Variants in OR3A1 observed in about 807,000 individuals in gnomAD.
The protein encoded by OR3A1 is olfactory receptor family 3 subfamily A member 1, also known as olfactory receptor 3A1.
For synonymous variants in OR3A1, 145 were observed against 160.0 expected, an observed-to-expected ratio of 0.91 and a Z score of 0.71; for missense variants, 402 against 393.8, an observed-to-expected ratio of 1.02 and a Z score of -0.18.
intron 1 of OR3A1, among the ~76,000 whole-genome samples, chr17:3,295,270 C>G (rs528996181): frequency 4.2e-4 from 63 of 151,462 alleles, no homozygotes; most frequent in Non-Finnish European, 7.5e-4. Flanking sequence ...TATAAGTACA[C>G]AAATCAGTAT....
At chr17:3,297,965 T>C (rs536625397) in intron 1 of OR3A1, among the ~76,000 whole-genome samples, 2 of 151,642 alleles carry the variant, frequency 1.3e-5, no homozygotes, top group African/African-American at 4.8e-5. Flanking sequence ...TGGCGTGGGG[T>C]TTCTTTGTTG....
At position 3,292,380 on chromosome 17, in the gene OR3A1, T is replaced by C. The variant is rs2048883248; in HGVS notation, c.203A>G (p.Asn68Ser). ...LHTPMYFFLG[N>S]LSVLDVGCIS... ...GCACCCAACATCCAGCACTGATAGG[T>C]TCCCCAGGAAGAAGTACATGGGGGT... Residue 68 changes from asparagine (N) to serine (S), a missense_variant, in exon 2 of 2, where the codon AAC (asparagine) becomes AGC (serine). Physicochemically the swap from Asn to Ser is conservative, Grantham distance 46. Coordinates refer to ENST00000323404, the MANE Select transcript of OR3A1 (RefSeq NM_002550.3). The C allele has an allele frequency of 6.2e-7, 1 of 1,613,692 alleles. No homozygotes were observed. The highest frequency in any genetic ancestry group is 1.3e-5 in the African/African-American group (1 of 74,804).
Position 3,292,063 on chromosome 17 carries a change from G to A in OR3A1, c.520C>T (p.Pro174Ser), listed in dbSNP as rs1227206773. 1 of 1,614,218 alleles carries A rather than the reference G, an allele frequency of 6.2e-7. No individual in the cohort carries two copies. Among genetic ancestry groups the A allele is most frequent in the South Asian group, 1.1e-5 (1 of 91,086 alleles). ...CAGTAGAAGTGATTGATCACATTGG[G>A]GCCACAGAAGTTGAGCGTGGACATG... ...VAMSTLNFCG[P>S]NVINHFYCDL... Residue 174 changes from proline to serine, a missense_variant, in exon 2 of 2, where the codon CCC (proline) becomes TCC (serine). Coordinates refer to ENST00000323404, the MANE Select transcript of OR3A1 (RefSeq NM_002550.3).
In OR3A1 at chr17:3,298,282, C is replaced by A. The variant is rs2048936020; in HGVS notation, c.-7+1G>T. On this transcript the variant is annotated splice_donor_variant, in intron 1 of 1. Transcript: ENST00000323404. LOFTEE classifies it low-confidence loss of function (5UTR_SPLICE). ...TGATGACCTCACCTGTAGAGACTCA[C>A]CTGGATTACCACTCTCAGGCATCCA... is the stretch of plus-strand genomic sequence containing the variant. 6.6e-6 allele frequency: 1 copy of A among 152,178 alleles called. No individual in the cohort carries two copies. The highest frequency in any genetic ancestry group is 2.4e-5 in the African/African-American group (1 of 41,428). The allele number at this position is 152,178 out of a possible 1,614,324, so 9.4% of individuals were successfully genotyped here.
intron 1 of OR3A1, among the ~76,000 whole-genome samples, chr17:3,294,000 C>T (rs1039738446): frequency 2.6e-5 from 4 of 152,060 alleles, no homozygotes; most frequent in African/African-American, 9.7e-5. Context: ...AGAGCTAATG[C>T]ATGCTGGGCT....
intron 1 of OR3A1, among the ~76,000 whole-genome samples, chr17:3,294,230 T>G (rs1245516952): frequency 1.4e-5 from 2 of 138,106 alleles, no homozygotes; most frequent in African/African-American, 2.6e-5. Context: ...GAAAACAGAG[T>G]AAAAATATAA....
In OR3A1 at chr17:3,292,394, G is replaced by A. The variant is rs774561559; in HGVS notation, c.189C>T (p.Tyr63=). The A allele has an allele frequency of 5.6e-6, 9 of 1,614,004 alleles. No homozygotes were observed. The highest frequency in any genetic ancestry group is 6.8e-6 in the Non-Finnish European group (8 of 1,180,024). The change falls in exon 2 of 2, where the codon TAC becomes TAT. Residue 63 remains tyrosine, a synonymous_variant. Transcript: ENST00000323404. ...GCACTGATAGGTTCCCCAGGAAGAA[G>A]TACATGGGGGTGTGGAGTTTGGGCT... ...LVEPKLHTPM[Y]FFLGNLSVLD... is the part of the protein sequence containing the mutation.
rs2625458 is a variant in OR3A1, at chr17:3,293,228, G to A, written c.-6-640C>T. On this transcript the variant is annotated intron_variant, in intron 1 of 1. Transcript: ENST00000323404. Reference sequence around the variant, plus strand: ...CCAAAGCTCTTGTTTGCAATAATGGGTATATGGTGTAAAGTATGGCACCAT... The same window carrying A: ...CCAAAGCTCTTGTTTGCAATAATGGATATATGGTGTAAAGTATGGCACCAT... Among the ~76,000 whole-genome samples the A allele has an allele frequency of 5.9e-3, 900 of 151,900 alleles. 5 individuals carry two copies. Among genetic ancestry groups the A allele is most frequent in the African/African-American group, 0.018 (764 of 41,460 alleles).
intron 1 of OR3A1, among the ~76,000 whole-genome samples, chr17:3,296,243 CCAAA>C (rs1316314481): frequency 6.6e-6 from 1 of 151,802 alleles, no homozygotes; most frequent in African/African-American, 2.4e-5. Context: ...AACGGTTGGA[CCAAA>C]CAGAGAATGA....
chr17:3,292,709 A>G (rs1442000230), intron 1 of OR3A1, 121 bp from the exon 2 acceptor site: 3 of 798,842 alleles, frequency 3.8e-6, no homozygotes, highest in Non-Finnish European at 5.8e-6. Flanking sequence ...CTGTACAAGT[A>G]AGGAATTTTG....
intron 1 of OR3A1, among the ~76,000 whole-genome samples, chr17:3,294,967 T>TA (rs1470882134): frequency 6.6e-6 from 1 of 152,142 alleles, no homozygotes; most frequent in African/African-American, 2.4e-5. Flanking sequence ...TTGTTTTTTT[T>TA]AACAGAAGCT....
At chr17:3,297,371 A>G (rs563049640) in intron 1 of OR3A1, among the ~76,000 whole-genome samples, 67 of 152,306 alleles carry the variant, frequency 4.4e-4, no homozygotes, top group Non-Finnish European at 8.2e-4. Flanking sequence ...ACTTTAACTC[A>G]GGTTGTAAGG....
intron 1 of OR3A1, among the ~76,000 whole-genome samples, chr17:3,294,191 T>G (rs2048901704): frequency 6.6e-6 from 1 of 150,664 alleles, no homozygotes; most frequent in African/African-American, 2.4e-5. Flanking sequence ...AAAAAAAAAC[T>G]TAAGGAGGCA....
chr17:3,292,261 G>T lies in OR3A1; in HGVS notation c.322C>A (p.His108Asn). The T allele has an allele frequency of 6.2e-7, 1 of 1,614,168 alleles. No homozygotes were observed. Residue 108 changes from histidine to asparagine, a missense_variant, in exon 2 of 2, where the codon CAT (histidine) becomes AAT (asparagine). By Grantham distance (68) the His-to-Asn change is moderately conservative (BLOSUM62 1). Transcript: ENST00000323404. ...GACLTQLFFF[H>N]LFVGVDCFLL... ...AAGCAGTCCACTCCAACGAACAGATGGAAGAAGAAGAGCTGGGTAAGGCAG... is the reference window on the plus strand; with the variant it reads ...AAGCAGTCCACTCCAACGAACAGATTGAAGAAGAAGAGCTGGGTAAGGCAG...
intron 1 of OR3A1, among the ~76,000 whole-genome samples, 200 bp from the exon 2 acceptor site, chr17:3,292,788 C>T (rs751443318): frequency 3.3e-5 from 5 of 152,076 alleles, no homozygotes; most frequent in South Asian, 2.1e-4. Flanking sequence ...TATTTGCAGG[C>T]GTAAGCACAG....
rs1383390271 is a variant in OR3A1, at chr17:3,291,579, T to C, written c.*56A>G. On this transcript the variant is annotated 3_prime_UTR_variant, in exon 2 of 2. Transcript: ENST00000323404. The stretch of plus-strand genomic sequence containing the variant: ...CCATTTTTTTCCTAGTTTCTGGCTC[T>C]AGAAGACTTTTCCTTTAGTACAAGA... 2 of 1,415,900 alleles carry C rather than the reference T, an allele frequency of 1.4e-6. No individual in the cohort carries two copies. The highest frequency in any genetic ancestry group is 1.9e-6 in the Non-Finnish European group (2 of 1,044,370). 87.7% of individuals were successfully genotyped at this position (1,415,900 alleles called of 1,614,324 possible). A position where few individuals can be genotyped will look rare whatever the true frequency, so the allele number is the denominator to read the frequency against.
At chr17:3,297,626 C>T (rs1042308596) in intron 1 of OR3A1, among the ~76,000 whole-genome samples, 2 of 151,688 alleles carry the variant, frequency 1.3e-5, no homozygotes, top group African/African-American at 4.9e-5. Context: ...CTCTATAGAG[C>T]ACACCTCCTC....
intron 1 of OR3A1, among the ~76,000 whole-genome samples, chr17:3,298,077 G>A (rs994983095): frequency 3.3e-5 from 5 of 152,078 alleles, no homozygotes; most frequent in Non-Finnish European, 5.9e-5. Context: ...ATCCATTCAC[G>A]GAGATGTCTT....
chr17:3,295,857 T>C (rs1479107121), intron 1 of OR3A1, among the ~76,000 whole-genome samples: 1 of 152,018 alleles, frequency 6.6e-6, no homozygotes, highest in Non-Finnish European at 1.5e-5. Context: ...TGCAAGAAGA[T>C]GTAATAGGTA....
Sources: allele counts gnomAD v4.1 joint callset (sites outside exome capture counted in the v4.1 genomes callset), GRCh38; gene constraint gnomAD v4.1.1; transcripts MANE v1.5; gene names NCBI Gene and HGNC (gene_info 2026-07-23, HGNC 2026-07-21).